C13orf46: variants seen among roughly 807,000 people sequenced by gnomAD.
The protein encoded by C13orf46 is uncharacterized protein C13orf46.
chr13:113,945,829 T>C, the C13orf46 span, among the ~76,000 whole-genome samples: 1 of 152,162 alleles, frequency 6.6e-6, no homozygotes, highest in African/African-American at 2.4e-5. Context: ...TTTGTTCAGA[T>C]TGTGACAAGA....
the C13orf46 span, chr13:113,927,827 A>G: frequency 2.1e-5 from 8 of 388,788 alleles, no homozygotes; most frequent in Admixed American, 8.9e-5. Context: ...TGGATGGACC[A>G]ACGTGCTTTC....
chr13:113,973,288 G>A (rs752276216), intron 1 of C13orf46, among the ~76,000 whole-genome samples: 3 of 152,210 alleles, frequency 2.0e-5, no homozygotes, highest in Non-Finnish European at 4.4e-5. Context: ...CACGTGGACA[G>A]CTGACCGTCA....
the C13orf46 span, among the ~76,000 whole-genome samples, chr13:113,937,124 T>C: frequency 2.0e-5 from 3 of 152,344 alleles, no homozygotes; most frequent in Admixed American, 2.0e-4. Context: ...TAAGGGCAGT[T>C]TGAAGGCTAA....
the C13orf46 span, among the ~76,000 whole-genome samples, chr13:113,932,218 G>A: frequency 1.3e-5 from 2 of 152,212 alleles, no homozygotes; most frequent in African/African-American, 2.4e-5. Flanking sequence ...TGTTGTGAAC[G>A]TTTACGACAC....
the C13orf46 span, among the ~76,000 whole-genome samples, chr13:113,948,266 C>T: frequency 6.6e-6 from 1 of 152,378 alleles, no homozygotes; most frequent in East Asian, 1.9e-4. Flanking sequence ...CCAACGTCTG[C>T]CTGGCACCTG....
At chr13:113,944,186 G>A in the C13orf46 span, among the ~76,000 whole-genome samples, 2 of 152,130 alleles carry the variant, frequency 1.3e-5, no homozygotes, top group South Asian at 4.1e-4. Context: ...TGTCCTGGAG[G>A]CTGCCTTCCC....
chr13:113,971,224 G>A (rs910165846), intron 1 of C13orf46, among the ~76,000 whole-genome samples: 1 of 152,202 alleles, frequency 6.6e-6, no homozygotes, highest in African/African-American at 2.4e-5. Context: ...AAATACAACA[G>A]GGATGATTCC....
chr13:113,946,321 G>A, the C13orf46 span, among the ~76,000 whole-genome samples: 7 of 152,218 alleles, frequency 4.6e-5, no homozygotes, highest in African/African-American at 1.4e-4. Context: ...CAGGACCTAT[G>A]TGGCATGTGG....
chr13:113,929,084 G>A, the C13orf46 span, among the ~76,000 whole-genome samples: 3 of 152,234 alleles, frequency 2.0e-5, no homozygotes, highest in African/African-American at 4.8e-5. Context: ...TGGCACAGCC[G>A]TGGGCCCCTG....
chr13:113,957,084 C>A (rs981681784), intron 6 of C13orf46, among the ~76,000 whole-genome samples: 1 of 151,358 alleles, frequency 6.6e-6, no homozygotes, highest in Non-Finnish European at 1.5e-5. Context: ...TCATCAAGCA[C>A]ACTGGGGGGG....
chr13:113,934,181 C>T, the C13orf46 span, among the ~76,000 whole-genome samples: 3 of 152,200 alleles, frequency 2.0e-5, no homozygotes, highest in African/African-American at 7.2e-5. Flanking sequence ...TGTTTCTCTC[C>T]GTTGCTGAGC....
Position 113,964,306 on chromosome 13 carries a change from G to C in C13orf46, c.572+621C>G, listed in dbSNP as rs956382781. Among the ~76,000 whole-genome samples the C allele has an allele frequency of 3.9e-5, 6 of 152,306 alleles. 1 individual carries two copies. The South Asian group carries it at 1.2e-3, about 32-fold the overall frequency. Reference sequence around the variant, plus strand: ...TTAAAATAAAACACTATAGATCCATGGGCCCCCTTCAATGGGCCAGTGTCT... The same window carrying C: ...TTAAAATAAAACACTATAGATCCATCGGCCCCCTTCAATGGGCCAGTGTCT... On this transcript the variant is annotated intron_variant, in intron 6 of 6. Coordinates refer to ENST00000636427, the MANE Select transcript of C13orf46 (RefSeq NM_001365455.2).
In C13orf46 at chr13:113,963,084, A is replaced by G. The variant is rs1351985443; in HGVS notation, c.572+1843T>C. 3.9e-5 allele frequency among the ~76,000 whole-genome samples: 6 copies of G among 152,332 alleles called. No individual in the cohort carries two copies. In the East Asian group the frequency reaches 1.2e-3, roughly 29 times the overall value. Reference sequence around the variant, plus strand: ...AGCAATCCGTCAGCAAAGCCAGACCAGTCGGGGGCCGAGGGCTGCAGCTCT... The same window carrying G: ...AGCAATCCGTCAGCAAAGCCAGACCGGTCGGGGGCCGAGGGCTGCAGCTCT... On this transcript the variant is annotated intron_variant, in intron 6 of 6. Coordinates refer to ENST00000636427, the MANE Select transcript of C13orf46 (RefSeq NM_001365455.2).
At chr13:113,961,229 ATCT>A (rs1385460711) in intron 6 of C13orf46, among the ~76,000 whole-genome samples, 11 of 152,156 alleles carry the variant, frequency 7.2e-5, no homozygotes, top group East Asian at 1.9e-4. Flanking sequence ...ATGATACTAA[ATCT>A]TCTTTTAGTT....
chr13:113,963,875 A>G (rs2052612796), intron 6 of C13orf46, among the ~76,000 whole-genome samples: 1 of 152,112 alleles, frequency 6.6e-6, no homozygotes, highest in Non-Finnish European at 1.5e-5. Flanking sequence ...TTTGAGATGG[A>G]GTTTCGCTCT....
At chr13:113,950,153 C>A (rs1313927685), downstream of C13orf46, among the ~76,000 whole-genome samples, 131 of 105,098 alleles carry the variant, frequency 1.2e-3, 1 homozygote, top group African/African-American at 4.3e-3. Context: ...ATGGTCATCA[C>A]CCCCACCTTG....
chr13:113,928,750 T>G, the C13orf46 span: 1 of 152,478 alleles, frequency 6.6e-6, no homozygotes, highest in African/African-American at 2.4e-5. Flanking sequence ...CCAGGAGGCC[T>G]GGCTCTCTGC....
intron 6 of C13orf46, among the ~76,000 whole-genome samples, chr13:113,958,696 G>A (rs1295045696): frequency 3.3e-5 from 5 of 152,240 alleles, no homozygotes; most frequent in South Asian, 2.1e-4. Context: ...AGACTTCCAC[G>A]TAAAACAAAC....
At chr13:113,962,895 ATGTCCTAGTGAAAGCTGGTG>A (rs2052598311) in intron 6 of C13orf46, among the ~76,000 whole-genome samples, 3 of 152,176 alleles carry the variant, frequency 2.0e-5, no homozygotes. Context: ...AACAACCCCA[ATGTCCTAGTGAAAGCTGGTG>A]TGACCTGGTT....
Sources: gnomAD v4.1 joint callset for allele counts (sites outside exome capture counted in the v4.1 genomes callset) on GRCh38, gnomAD v4.1.1 for gene constraint, MANE v1.5 for transcripts, NCBI Gene and HGNC (gene_info 2026-07-23, HGNC 2026-07-21) for gene names.